CACHD1: variants seen among roughly 807,000 people sequenced by gnomAD.
The protein encoded by CACHD1 is VWFA and cache domain-containing protein 1.
In CACHD1, 71 loss-of-function variants were observed where a neutral mutation model predicts 138.7. The ratio of observed to expected loss-of-function variants is 0.51; its 90% CI spans 0.42 to 0.62. The LOEUF (loss-of-function observed/expected upper bound fraction) is 0.62. CACHD1 is among the 20% of genes least tolerant of loss of function. The probability of loss-of-function intolerance (pLI) is 0.00; values close to 1 mark genes in which losing one functional copy is unlikely to be tolerated. For synonymous variants in CACHD1, 578 were observed against 591.5 expected (o/e 0.98, Z 0.33); for missense variants, 1,389 against 1,625.3 (o/e 0.85, Z 2.50).
intron 4 of CACHD1, 23 bp downstream of exon 4, chr1:64,602,935 A>G: frequency 6.8e-7 from 1 of 1,467,698 alleles, no homozygotes; most frequent in Non-Finnish European, 9.6e-7. Flanking sequence ...TTGGCTTTAT[A>G]AAGATGAACT....
chr1:64,631,830 C>A (rs2100639209), intron 5 of CACHD1, among the ~76,000 whole-genome samples: 1 of 152,126 alleles, frequency 6.6e-6, no homozygotes, highest in South Asian at 2.1e-4. Context: ...CAGACTTGGA[C>A]AAATTTTGAT....
intron 25 of CACHD1, 47 bp from the exon 26 acceptor site, chr1:64,681,958 G>A (rs41309163): frequency 2.9e-5 from 44 of 1,503,148 alleles, no homozygotes; most frequent in Non-Finnish European, 4.1e-5. Flanking sequence ...TGAAACAATG[G>A]AGATACTGGC....
chr1:64,544,830 G>A (rs1646706378), intron 1 of CACHD1, among the ~76,000 whole-genome samples: 1 of 152,120 alleles, frequency 6.6e-6, no homozygotes, highest in Admixed American at 6.6e-5. Flanking sequence ...GAACATCTAG[G>A]TTGGATGAAA....
chr1:64,580,862 C>T (rs2100535229), intron 2 of CACHD1, among the ~76,000 whole-genome samples: 1 of 152,206 alleles, frequency 6.6e-6, no homozygotes, highest in Non-Finnish European at 1.5e-5. Context: ...CAACAGTTGT[C>T]TAAATTAAAC....
At chr1:64,496,427 C>A (rs1304682959) in intron 1 of CACHD1, among the ~76,000 whole-genome samples, 1 of 152,050 alleles carries the variant, frequency 6.6e-6, no homozygotes, top group African/African-American at 2.4e-5. Context: ...ATGATGAAGG[C>A]TTGAGCTAAT....
chr1:64,582,120 G>A, intron 2 of CACHD1, 36 bp from the exon 3 acceptor site: 1 of 1,609,020 alleles, frequency 6.2e-7, no homozygotes, highest in African/African-American at 1.3e-5. Flanking sequence ...TATTGTCTTG[G>A]ACTTTCGATT....
At chr1:64,627,939 T>C (rs1648167857) in intron 4 of CACHD1, among the ~76,000 whole-genome samples, 1 of 152,148 alleles carries the variant, frequency 6.6e-6, no homozygotes. Context: ...TTAACTGGTA[T>C]TAAACAAATG....
chr1:64,680,624 C>T (rs1427689268), intron 24 of CACHD1, among the ~76,000 whole-genome samples: 3 of 152,154 alleles, frequency 2.0e-5, no homozygotes, highest in Non-Finnish European at 4.4e-5. Flanking sequence ...TGTTTAATGG[C>T]CATCTCCATC....
intron 1 of CACHD1, among the ~76,000 whole-genome samples, chr1:64,549,795 A>ATTT (rs138406571): frequency 4.4e-5 from 6 of 136,452 alleles, no homozygotes; most frequent in African/African-American, 1.3e-4. Flanking sequence ...TGCTCTTTTT[A>ATTT]TTTTTTTTAT....
At chr1:64,680,467 G>A (rs185820617) in intron 24 of CACHD1, among the ~76,000 whole-genome samples, 45 of 151,586 alleles carry the variant, frequency 3.0e-4, no homozygotes, top group African/African-American at 8.7e-4. Context: ...CATTCTGGGC[G>A]AAAGAGTGAG....
At chr1:64,529,344 A>G (rs1453168881) in intron 1 of CACHD1, among the ~76,000 whole-genome samples, 5 of 152,254 alleles carry the variant, frequency 3.3e-5, no homozygotes, top group Non-Finnish European at 5.9e-5. Flanking sequence ...AATGGAACCT[A>G]TCATTGCTGG....
At chr1:64,576,873 A>G (rs1473333917) in intron 2 of CACHD1, among the ~76,000 whole-genome samples, 1 of 151,742 alleles carries the variant, frequency 6.6e-6, no homozygotes, top group Non-Finnish European at 1.5e-5. Flanking sequence ...CATGGTACTC[A>G]GGTAATATTA....
intron 1 of CACHD1, among the ~76,000 whole-genome samples, chr1:64,513,662 A>G (rs534711350): frequency 2.0e-5 from 3 of 152,184 alleles, no homozygotes; most frequent in Admixed American, 2.0e-4. Flanking sequence ...AAGAGTGCTT[A>G]CTTTCTAGTT....
chr1:64,472,265 TCTC>T (rs1227619572), intron 1 of CACHD1, among the ~76,000 whole-genome samples: 1 of 152,084 alleles, frequency 6.6e-6, no homozygotes, highest in East Asian at 1.9e-4. Context: ...TTCTCGTTCT[TCTC>T]CTCCTCTTTC....
In CACHD1 at chr1:64,498,714, T is replaced by C. The variant is rs997343522; in HGVS notation, c.198+27772T>C. Among the ~76,000 whole-genome samples, 3 of 152,246 alleles carry C rather than the reference T, an allele frequency of 2.0e-5. No individual in the cohort carries two copies. In the East Asian group the frequency reaches 5.8e-4, roughly 29 times the overall value. On this transcript the variant is annotated intron_variant, in intron 1 of 26. Coordinates refer to ENST00000651257, the MANE Select transcript of CACHD1 (RefSeq NM_020925.4). ...CAGAGTCTTAATTTCAAATACTTCT[T>C]GATATTCTGATCTCTTGTCTCTCTA...
chr1:64,485,449 T>G (rs1429481185), intron 1 of CACHD1, among the ~76,000 whole-genome samples: 1 of 152,260 alleles, frequency 6.6e-6, no homozygotes. Flanking sequence ...ACACAGTGCA[T>G]TTGAGATTCA....
chr1:64,517,823 C>A (rs72919049), intron 1 of CACHD1, among the ~76,000 whole-genome samples: 3,799 of 152,264 alleles, frequency 0.025, 159 homozygotes, highest in African/African-American at 0.087. Context: ...TTAGCTTAAC[C>A]TTTTACACTT....
At chr1:64,474,754 T>C (rs949354567) in intron 1 of CACHD1, among the ~76,000 whole-genome samples, 1 of 152,270 alleles carries the variant, frequency 6.6e-6, no homozygotes, top group Non-Finnish European at 1.5e-5. Context: ...CAGGCACTTA[T>C]AAGGCCCATT....
intron 7 of CACHD1, among the ~76,000 whole-genome samples, chr1:64,637,465 T>C (rs1018066924): frequency 5.3e-5 from 8 of 152,236 alleles, no homozygotes; most frequent in African/African-American, 1.7e-4. Flanking sequence ...GATTTTCAAA[T>C]GTTGACATTT....
Sources: gnomAD v4.1 joint callset for allele counts (sites outside exome capture counted in the v4.1 genomes callset) on GRCh38, gnomAD v4.1.1 for gene constraint, MANE v1.5 for transcripts, NCBI Gene and HGNC (gene_info 2026-07-23, HGNC 2026-07-21) for gene names.